WIZ: variants seen among roughly 807,000 people sequenced by gnomAD.
The protein encoded by WIZ is protein Wiz.
Under a neutral mutation model 140.2 loss-of-function variants are expected in WIZ, and 25 were observed. That is an observed-to-expected ratio of 0.18 (90% CI 0.13 to 0.25). The LOEUF (loss-of-function observed/expected upper bound fraction) is 0.25, where lower values mean the gene tolerates loss of function less well. Ranked by LOEUF, WIZ falls within the 10% of genes least tolerant of loss-of-function variation. The pLI is 1.00. For missense variants in WIZ, 2,231 were observed against 2,632.6 expected (o/e 0.85, Z 3.34); for synonymous variants, 1,125 against 1,154.3 (o/e 0.97, Z 0.51).
At chr19:15,437,800 G>A (rs1969571630) in intron 4 of WIZ, among the ~76,000 whole-genome samples, 1 of 152,224 alleles carries the variant, frequency 6.6e-6, no homozygotes, top group Admixed American at 6.5e-5. Context: ...GTTGGATGAA[G>A]AAATGGACAA....
In WIZ at chr19:15,446,014, G is replaced by A. The variant is rs1320611068; in HGVS notation, c.205+2089C>T. 2.0e-5 allele frequency among the ~76,000 whole-genome samples: 3 copies of A among 152,188 alleles called. No individual in the cohort carries two copies. The East Asian group carries it at 5.8e-4, about 29-fold the overall frequency. ...GGAGATCAAGCGGGCAGAGAGGGCA[G>A]TGGGAGAGACGTGGTGTCCCAAACC... On this transcript the variant is annotated intron_variant, in intron 2 of 12. Coordinates refer to ENST00000673675, the MANE Select transcript of WIZ (RefSeq NM_001371589.1).
rs768687335 is a variant in WIZ, at chr19:15,425,427, G to A, written c.4708C>T (p.Arg1570Cys). Residue 1570 changes from arginine (R) to cysteine (C), a missense_variant, in exon 10 of 13, where the codon CGT becomes TGT. Arg to Cys is a radical substitution (Grantham distance 180). Around this residue, in one of 15 missense-constraint regions of WIZ, gnomAD observed 393 missense variants for 451.7 expected, o/e 0.87. Transcript: ENST00000673675. ...KPGAGPAQVP[R>C]ELSLTPITGA... The stretch of plus-strand genomic sequence containing the variant: ...GTGATGGGCGTCAGGCTGAGCTCAC[G>A]AGGAACCTGGGCCGGCCCTGCACCT... 3.8e-6 allele frequency: 6 copies of A among 1,564,038 alleles called. No homozygotes were observed. Among genetic ancestry groups the A allele is most frequent in the South Asian group, 1.2e-5 (1 of 86,264 alleles).
rs916790465 is a variant in WIZ, at chr19:15,439,905, G to A, written c.1089C>T (p.Asp363=). The change falls in exon 4 of 13, where the codon GAC becomes GAT. Residue 363 remains aspartate (D), a synonymous_variant. Coordinates refer to ENST00000673675, the MANE Select transcript of WIZ (RefSeq NM_001371589.1). The surrounding 1 kb of genome is among the most constrained non-coding windows in gnomAD (Gnocchi z 7.0). ...ACGECGWAFA[D]PTALEQHRQL... ...GCCGGTGCTGCTCCAGGGCAGTGGG[G>A]TCAGCAAAGGCCCAGCCACACTCCC... 2.6e-6 allele frequency: 4 copies of A among 1,528,102 alleles called. No individual in the cohort carries two copies. The highest frequency in any genetic ancestry group is 3.5e-6 in the Non-Finnish European group (4 of 1,142,470). 94.7% of individuals were successfully genotyped at this position (1,528,102 alleles called of 1,614,324 possible).
rs1378369981 is a variant in WIZ at position 15,422,950 on chromosome 19, G to A, written c.*126C>T. On this transcript the variant is annotated 3_prime_UTR_variant, in exon 13 of 13. Coordinates refer to ENST00000673675, the MANE Select transcript of WIZ (RefSeq NM_001371589.1). ...GCTGTAGTGTGCCCGGCCCCCAAGG[G>A]GCGCCGGTTTGAGGTTTTGGCTTGC... is the stretch of plus-strand genomic sequence containing the variant. 7.1e-7 allele frequency: 1 copy of A among 1,409,802 alleles called. No individual in the cohort carries two copies. The highest frequency in any genetic ancestry group is 9.4e-7 in the Non-Finnish European group (1 of 1,065,146). 87.3% of individuals were successfully genotyped at this position (1,409,802 alleles called of 1,614,324 possible).
chr19:15,444,373 A>C (rs751180635), intron 2 of WIZ, among the ~76,000 whole-genome samples: 3 of 152,024 alleles, frequency 2.0e-5, no homozygotes, highest in Admixed American at 1.3e-4. Context: ...GGGGTATGGA[A>C]ATTTGCATCA....
chr19:15,442,663 G>C lies in WIZ; in HGVS notation c.278+13C>G, dbSNP rs572111612. On this transcript the variant is annotated intron_variant, in intron 3 of 12. Coordinates refer to ENST00000673675, the MANE Select transcript of WIZ (RefSeq NM_001371589.1). The surrounding 1 kb of genome is among the most constrained non-coding windows in gnomAD (Gnocchi z 5.5). ...CCTGCCCTCCCTGAGGTCAGGGCCAGCATGGCACTCACCAGCTGCTGATCC... is the reference window on the plus strand; with the variant it reads ...CCTGCCCTCCCTGAGGTCAGGGCCACCATGGCACTCACCAGCTGCTGATCC... 3.7e-5 allele frequency: 45 copies of C among 1,232,272 alleles called. No homozygotes were observed. Among genetic ancestry groups the C allele is most frequent in the Non-Finnish European group, 4.4e-5 (43 of 988,142 alleles). 76.3% of individuals were successfully genotyped at this position (1,232,272 alleles called of 1,614,324 possible).
intron 5 of WIZ, among the ~76,000 whole-genome samples, chr19:15,433,627 C>A (rs1969400665): frequency 6.6e-6 from 1 of 152,204 alleles, no homozygotes; most frequent in Non-Finnish European, 1.5e-5. Flanking sequence ...ATTCCTTATA[C>A]CCCAGTGCCT....
chr19:15,436,776 G>A, intron 5 of WIZ, 30 bp downstream of exon 5: 1 of 1,524,392 alleles, frequency 6.6e-7, no homozygotes, highest in Non-Finnish European at 8.7e-7. Flanking sequence ...GAAGGATGGG[G>A]CTCCAGCACA....
At chr19:15,448,978 T>A (rs187083930) in intron 1 of WIZ, among the ~76,000 whole-genome samples, 19 of 150,870 alleles carry the variant, frequency 1.3e-4, no homozygotes, top group Admixed American at 9.2e-4. Flanking sequence ...CAGCCTCAAG[T>A]GACCCCAGCA....
chr19:15,437,193 C>T (rs1019276558), intron 4 of WIZ, 64 bp from the exon 5 acceptor site: 79 of 1,437,654 alleles, frequency 5.5e-5, no homozygotes, highest in African/African-American at 1.5e-5. Context: ...CCAACCCCTC[C>T]CCATATTCAG....
At chr19:15,448,402 G>T in intron 1 of WIZ, 35 bp from the exon 2 acceptor site, 1 of 1,458,254 alleles carries the variant, frequency 6.9e-7, no homozygotes, top group Non-Finnish European at 9.3e-7. Context: ...TTAGGGGATG[G>T]AGGAAAGGGA....
intron 5 of WIZ, among the ~76,000 whole-genome samples, chr19:15,434,632 C>A (rs775995363): frequency 2.0e-5 from 3 of 152,076 alleles, no homozygotes; most frequent in Non-Finnish European, 4.4e-5. Flanking sequence ...AAGCCCCAGC[C>A]TCCAGCAGTC....
chr19:15,443,378 C>T (rs1969811639), intron 2 of WIZ, among the ~76,000 whole-genome samples: 1 of 152,144 alleles, frequency 6.6e-6, no homozygotes, highest in South Asian at 2.1e-4. Flanking sequence ...GGCCTAAAAA[C>T]CAGACTCTTA....
In WIZ at chr19:15,424,138, A is replaced by T; in HGVS notation, c.5510+45T>A. 1.4e-6 allele frequency: 2 copies of T among 1,436,388 alleles called. No homozygotes were observed. The highest frequency in any genetic ancestry group is 3.0e-5 in the South Asian group (2 of 66,222). 89.0% of individuals were successfully genotyped at this position (1,436,388 alleles called of 1,614,324 possible). ...CCTGTTCCAAGGCTCCGGGTGACCA[A>T]GGTCCACTCAGGTGGTCTCCCTCCC... is the stretch of plus-strand genomic sequence containing the variant. On this transcript the variant is annotated intron_variant, in intron 12 of 12. Transcript: ENST00000673675. The surrounding 1 kb of genome is among the most constrained non-coding windows in gnomAD (Gnocchi z 9.7).
chr19:15,423,009 C>A lies in WIZ; in HGVS notation c.*67G>T. 1.3e-6 allele frequency: 2 copies of A among 1,564,844 alleles called. No individual in the cohort carries two copies. Among genetic ancestry groups the A allele is most frequent in the Admixed American group, 1.8e-5 (1 of 55,790 alleles). ...AAACGGAAAGAAAGAGGAAGAGGGA[C>A]AAGGACACAGAGGAGGAAGAAGAGG... On this transcript the variant is annotated 3_prime_UTR_variant, in exon 13 of 13. Transcript: ENST00000673675.
chr19:15,423,284 C>A (rs372349625), intron 12 of WIZ, 49 bp from the exon 13 acceptor site: 1 of 1,595,410 alleles, frequency 6.3e-7, no homozygotes, highest in Non-Finnish European at 8.5e-7. Flanking sequence ...TGAGGAGAGG[C>A]GGAAGCATAG....
intron 1 of WIZ, 53 bp from the exon 2 acceptor site, chr19:15,448,420 TCA>T (rs1969994840): frequency 7.5e-7 from 1 of 1,337,658 alleles, no homozygotes; most frequent in African/African-American, 1.5e-5. Context: ...GGAATCTGCC[TCA>T]GTTTCCCATC....
chr19:15,433,898 G>C (rs1347775722), intron 5 of WIZ, among the ~76,000 whole-genome samples: 2 of 152,216 alleles, frequency 1.3e-5, no homozygotes, highest in Non-Finnish European at 2.9e-5. Context: ...GTGGGCTTGT[G>C]AGTGGGTCTG....
rs1478853334 is a variant in WIZ, at chr19:15,424,517, A to AAG, written c.5314+94_5314+95dup. ...GGGTGAATGGGTAAGCAACTGGAGA[A>AAG]AGGACTTAAGGGCCACAGCAGAGCG... On this transcript the variant is annotated intron_variant, in intron 11 of 12. Transcript: ENST00000673675. The surrounding 1 kb of genome is among the most constrained non-coding windows in gnomAD (Gnocchi z 9.7). The AAG allele has an allele frequency of 6.6e-7, 1 of 1,526,660 alleles. No homozygotes were observed. The highest frequency in any genetic ancestry group is 1.4e-5 in the African/African-American group (1 of 71,318). 94.6% of individuals were successfully genotyped at this position (1,526,660 alleles called of 1,614,324 possible). A position where few individuals can be genotyped will look rare whatever the true frequency, so the allele number is the denominator to read the frequency against.
Sources: allele counts gnomAD v4.1 joint callset (sites outside exome capture counted in the v4.1 genomes callset), GRCh38; gene constraint gnomAD v4.1.1; regional missense constraint gnomAD v4.1.1; non-coding constraint Gnocchi (gnomAD v3.1); transcripts MANE v1.5; gene names NCBI Gene and HGNC (gene_info 2026-07-23, HGNC 2026-07-21).